MCU: variants seen among roughly 807,000 people sequenced by gnomAD.
The protein encoded by MCU is calcium uniporter protein, mitochondrial.
MCU carries 12 observed loss-of-function variants against 45.2 expected under a neutral mutation model. The ratio of observed to expected loss-of-function variants is 0.27; its 90% CI spans 0.17 to 0.43. The LOEUF (loss-of-function observed/expected upper bound fraction) is 0.43. MCU is among the 20% of genes least tolerant of loss of function. The pLI is 1.00. For synonymous variants in MCU, 160 were observed against 165.1 expected (o/e 0.97, Z 0.24); for missense variants, 324 against 436.7 (o/e 0.74, Z 2.30).
At chr10:72,734,866 C>G (rs1190069804) in intron 1 of MCU, among the ~76,000 whole-genome samples, 1 of 152,004 alleles carries the variant, frequency 6.6e-6, no homozygotes, top group Non-Finnish European at 1.5e-5. Flanking sequence ...ATTCTCCCAC[C>G]TCAGCCTCCC....
chr10:72,813,891 T>C (rs542137293), intron 1 of MCU, among the ~76,000 whole-genome samples: 1 of 152,348 alleles, frequency 6.6e-6, no homozygotes, highest in Non-Finnish European at 1.5e-5. Flanking sequence ...CAGGTCTATT[T>C]AGTCTATGTT....
intron 2 of MCU, among the ~76,000 whole-genome samples, chr10:72,846,340 G>A (rs1044247899): frequency 6.6e-6 from 1 of 152,184 alleles, no homozygotes; most frequent in East Asian, 1.9e-4. Flanking sequence ...ACTGCACGCG[G>A]CCCAATTAAT....
At chr10:72,829,078 T>C (rs1844839611) in intron 1 of MCU, among the ~76,000 whole-genome samples, 1 of 152,194 alleles carries the variant, frequency 6.6e-6, no homozygotes, top group Admixed American at 6.5e-5. Flanking sequence ...CCCAGCACTT[T>C]GGGAGGCCAG....
At chr10:72,821,820 A>G (rs1844716550) in intron 1 of MCU, among the ~76,000 whole-genome samples, 1 of 152,200 alleles carries the variant, frequency 6.6e-6, no homozygotes. Context: ...TTTCAAGTGC[A>G]CATGGAACAT....
intron 1 of MCU, among the ~76,000 whole-genome samples, chr10:72,799,030 G>A (rs527602871): frequency 5.9e-5 from 9 of 151,964 alleles, no homozygotes; most frequent in Non-Finnish European, 1.3e-4. Context: ...AGGTTCAAGC[G>A]ATTCTCCTGC....
chr10:72,738,961 T>C (rs565739879), intron 1 of MCU, among the ~76,000 whole-genome samples: 1 of 152,334 alleles, frequency 6.6e-6, no homozygotes, highest in African/African-American at 2.4e-5. Flanking sequence ...TTGTTTTTAC[T>C]ATTATTAGGA....
intron 1 of MCU, among the ~76,000 whole-genome samples, chr10:72,716,076 A>G (rs1430827006): frequency 6.6e-6 from 1 of 152,200 alleles, no homozygotes; most frequent in Non-Finnish European, 1.5e-5. Context: ...GATTTTGTAA[A>G]CAAAGTTTTA....
intron 4 of MCU, chr10:72,861,647 G>A (rs895870472): frequency 5.6e-5 from 21 of 375,762 alleles, no homozygotes; most frequent in Middle Eastern, 9.7e-4. Context: ...ATGCCCAGCC[G>A]CCAGGCTAAT....
At chr10:72,693,088 A>G (rs758278506) in intron 1 of MCU, 257 of 1,535,670 alleles carry the variant, frequency 1.7e-4, no homozygotes, top group Non-Finnish European at 2.0e-4. Flanking sequence ...ACAGAGGCAG[A>G]GATTTGGTGG....
chr10:72,777,927 A>G (rs1437238768), intron 1 of MCU, among the ~76,000 whole-genome samples: 1 of 152,348 alleles, frequency 6.6e-6, no homozygotes, highest in East Asian at 1.9e-4. Flanking sequence ...AGGTGTGTGA[A>G]AAATGCTCAG....
chr10:72,692,412 G>C (rs1409991060), intron 1 of MCU, 111 bp downstream of exon 1: 9 of 952,924 alleles, frequency 9.4e-6, no homozygotes, highest in Non-Finnish European at 1.1e-5. Flanking sequence ...ACTCCCGGCC[G>C]CTCCGGAGGT....
chr10:72,879,591 T>C (rs566399643), intron 6 of MCU, among the ~76,000 whole-genome samples: 2 of 152,332 alleles, frequency 1.3e-5, no homozygotes, highest in Non-Finnish European at 2.9e-5. Context: ...TGAAAGATGT[T>C]CTTTGGGCAG....
intron 1 of MCU, among the ~76,000 whole-genome samples, chr10:72,816,603 C>G (rs2132810075): frequency 6.6e-6 from 1 of 152,302 alleles, no homozygotes; most frequent in South Asian, 2.1e-4. Flanking sequence ...CATAGCAATA[C>G]TTAATTTCTA....
chr10:72,808,391 T>C (rs1238024202), intron 1 of MCU, among the ~76,000 whole-genome samples: 1 of 152,208 alleles, frequency 6.6e-6, no homozygotes, highest in Non-Finnish European at 1.5e-5. Flanking sequence ...CAAAGAAATA[T>C]TTCATAATTT....
chr10:72,838,898 T>G (rs1371933728), intron 2 of MCU, among the ~76,000 whole-genome samples: 2 of 152,216 alleles, frequency 1.3e-5, no homozygotes, highest in Non-Finnish European at 2.9e-5. Flanking sequence ...TTGTTTGTTT[T>G]CTGTCCTGCT....
intron 2 of MCU, among the ~76,000 whole-genome samples, chr10:72,842,338 C>A (rs903659480): frequency 1.7e-4 from 26 of 152,182 alleles, no homozygotes; most frequent in African/African-American, 6.3e-4. Context: ...GATTTATAAT[C>A]TTTTCACTTT....
intron 1 of MCU, among the ~76,000 whole-genome samples, chr10:72,755,203 G>A (rs1255731809): frequency 1.4e-5 from 2 of 144,498 alleles, no homozygotes; most frequent in Non-Finnish European, 3.0e-5. Flanking sequence ...GGGCTAGAGT[G>A]CAATGGTATG....
At chr10:72,827,283 A>G (rs905050169) in intron 1 of MCU, among the ~76,000 whole-genome samples, 1 of 152,196 alleles carries the variant, frequency 6.6e-6, no homozygotes, top group African/African-American at 2.4e-5. Context: ...TTGGGTTTTT[A>G]GTTTTTGAAA....
At chr10:72,859,039 A>C in intron 2 of MCU, 138 bp from the exon 3 acceptor site, 2 of 737,158 alleles carry the variant, frequency 2.7e-6, no homozygotes, top group East Asian at 2.8e-5. Flanking sequence ...ACTAAAGCTA[A>C]AGGGCATGTT....
Sources: gnomAD v4.1 joint callset for allele counts (sites outside exome capture counted in the v4.1 genomes callset) on GRCh38, gnomAD v4.1.1 for gene constraint, MANE v1.5 for transcripts, NCBI Gene and HGNC (gene_info 2026-07-23, HGNC 2026-07-21) for gene names.